The following NUGGC variants were observed in gnomAD, a reference collection of about 807,000 sequenced individuals.
NUGGC encodes nuclear GTPase, germinal center associated.
In NUGGC, 58 loss-of-function variants were observed where a neutral mutation model predicts 92.6. The observed-to-expected ratio is 0.63, with a 90% confidence interval of 0.51 to 0.78. The LOEUF (loss-of-function observed/expected upper bound fraction) is 0.78, where lower values mean the gene tolerates loss of function less well. Ranked by LOEUF, NUGGC falls within the 30% of genes least tolerant of loss-of-function variation. The probability of loss-of-function intolerance (pLI) is 0.00; values close to 1 mark genes in which losing one functional copy is unlikely to be tolerated. For synonymous variants in NUGGC, 376 were observed against 366.4 expected (o/e 1.03, Z -0.30); for missense variants, 925 against 964.6 (o/e 0.96, Z 0.54).
At chr8:28,052,914 T>C (rs1052417685) in intron 10 of NUGGC, among the ~76,000 whole-genome samples, 1 of 152,210 alleles carries the variant, frequency 6.6e-6, no homozygotes, top group African/African-American at 2.4e-5. Context: ...GTGGGGCATA[T>C]ACTTGATGTT....
rs140545370 is a variant in NUGGC at position 28,054,924 on chromosome 8, T to C, written c.1206+1041A>G. On this transcript the variant is annotated intron_variant, in intron 10 of 18. Transcript: ENST00000413272. ...AAAATTGGCCAGGTGCAGTGGCTCA[T>C]GCCTGTAATCCCAGCATTTTGGGAG... Among the ~76,000 whole-genome samples, 381 of 152,138 alleles carry C rather than the reference T, an allele frequency of 2.5e-3. 2 individuals carry two copies. The highest frequency in any genetic ancestry group is 4.6e-3 in the Non-Finnish European group (310 of 67,984).
Position 28,069,612 on chromosome 8 carries a change from G to T in NUGGC, c.189C>A (p.Asn63Lys). 1 of 1,612,156 alleles carries T rather than the reference G, an allele frequency of 6.2e-7. No individual in the cohort carries two copies. The highest frequency in any genetic ancestry group is 1.1e-5 in the South Asian group (1 of 91,040). Reference protein sequence around the residue: ...LESRTRRVLSNTYQKLIQSVF... With the variant: ...LESRTRRVLSKTYQKLIQSVF... ...CAGACTGAATAAGTTTCTGATAAGTGTTGCTCAAAACCCTTCTGGTCCGTG... is the reference window on the plus strand; with the variant it reads ...CAGACTGAATAAGTTTCTGATAAGTTTTGCTCAAAACCCTTCTGGTCCGTG... Residue 63 changes from asparagine to lysine, a missense_variant, in exon 4 of 19, where the codon AAC becomes AAA. Asn to Lys is a moderately conservative substitution (Grantham distance 94, BLOSUM62 0). Transcript: ENST00000413272.
chr8:28,024,894 G>A (rs1443527403), intron 18 of NUGGC, among the ~76,000 whole-genome samples: 3 of 152,222 alleles, frequency 2.0e-5, no homozygotes, highest in Non-Finnish European at 4.4e-5. Flanking sequence ...ACGATCTGAA[G>A]TCTGAGTGGG....
At chr8:28,028,628 GGGT>G (rs1809331239) in intron 17 of NUGGC, among the ~76,000 whole-genome samples, 1 of 152,118 alleles carries the variant, frequency 6.6e-6, no homozygotes, top group Admixed American at 6.5e-5. Context: ...GGGGGAAAGG[GGGT>G]GGCAAGCCAT....
intron 2 of NUGGC, among the ~76,000 whole-genome samples, chr8:28,071,996 C>G (rs1431459381): frequency 6.6e-6 from 1 of 152,160 alleles, no homozygotes; most frequent in African/African-American, 2.4e-5. Flanking sequence ...CCTGAGGGCT[C>G]CAGACACAGA....
At chr8:28,023,500 T>C (rs773488369) in intron 18 of NUGGC, 38 bp from the exon 19 acceptor site, 10 of 1,585,790 alleles carry the variant, frequency 6.3e-6, no homozygotes, top group Admixed American at 1.8e-5. Flanking sequence ...GGACTTGGTG[T>C]CCGTTGCAGA....
At chr8:28,078,837 ATGG>A (rs1335616276) in intron 1 of NUGGC, among the ~76,000 whole-genome samples, 1 of 152,156 alleles carries the variant, frequency 6.6e-6, no homozygotes, top group Non-Finnish European at 1.5e-5. Flanking sequence ...AAGGGAAGGA[ATGG>A]TGGTGTTCAT....
chr8:28,051,758 A>T (rs1204526401), intron 10 of NUGGC, among the ~76,000 whole-genome samples: 1 of 152,158 alleles, frequency 6.6e-6, no homozygotes, highest in Non-Finnish European at 1.5e-5. Flanking sequence ...CCCCGTCTCT[A>T]CTAAAAGTAC....
intron 1 of NUGGC, among the ~76,000 whole-genome samples, chr8:28,081,918 T>C (rs1810860799): frequency 6.6e-6 from 1 of 150,492 alleles, no homozygotes; most frequent in Non-Finnish European, 1.5e-5. Flanking sequence ...TTTTTCTTGC[T>C]CTCACAAGAA....
chr8:28,067,534 T>C lies in NUGGC; in HGVS notation c.691A>G (p.Ile231Val). ...PKRKIPTSRVITLKAEEAEEL... is the reference protein window; with the variant it reads ...PKRKIPTSRVVTLKAEEAEEL... Reference sequence around the variant, plus strand: ...GCTACCTCTTCCGCCTTGAGGGTGATGACTCTGGAGGTGGGGATCTTCCTT... The same window carrying C: ...GCTACCTCTTCCGCCTTGAGGGTGACGACTCTGGAGGTGGGGATCTTCCTT... Residue 231 changes from isoleucine (I) to valine (V), a missense_variant, in exon 6 of 19, where the codon ATC becomes GTC. Transcript: ENST00000413272. The C allele has an allele frequency of 6.2e-7, 1 of 1,609,868 alleles. No homozygotes were observed. The highest frequency in any genetic ancestry group is 1.3e-5 in the African/African-American group (1 of 75,006).
chr8:28,045,922 G>C (rs775775625), intron 11 of NUGGC, among the ~76,000 whole-genome samples: 17 of 152,146 alleles, frequency 1.1e-4, no homozygotes, highest in Non-Finnish European at 1.3e-4. Flanking sequence ...AAAAGTACAG[G>C]CTAGTTGAAA....
At chr8:28,055,918 T>C in intron 10 of NUGGC, 47 bp downstream of exon 10, 2 of 1,068,558 alleles carry the variant, frequency 1.9e-6, no homozygotes, top group Non-Finnish European at 1.4e-6. Flanking sequence ...TCCCAAAATC[T>C]AGTTGCTGGG....
intron 14 of NUGGC, 86 bp from the exon 15 acceptor site, chr8:28,031,467 A>C: frequency 2.3e-6 from 3 of 1,295,768 alleles, no homozygotes; most frequent in Non-Finnish European, 3.3e-6. Context: ...GTGTCCTTTT[A>C]TTCATTTAAG....
intron 13 of NUGGC, among the ~76,000 whole-genome samples, chr8:28,037,381 T>C (rs1809581648): frequency 2.0e-5 from 3 of 152,146 alleles, no homozygotes; most frequent in Non-Finnish European, 2.9e-5. Context: ...CCACATGAGC[T>C]CTGGCCTTCC....
At chr8:28,032,536 T>C (rs1424697567) in intron 14 of NUGGC, among the ~76,000 whole-genome samples, 2 of 151,200 alleles carry the variant, frequency 1.3e-5, no homozygotes, top group African/African-American at 4.9e-5. Flanking sequence ...GCTAACATGG[T>C]GAAACCCCAT....
chr8:28,038,496 G>A (rs1423395482), intron 13 of NUGGC, among the ~76,000 whole-genome samples: 1 of 152,134 alleles, frequency 6.6e-6, no homozygotes, highest in Non-Finnish European at 1.5e-5. Context: ...TTATACAGAG[G>A]AACCTGAGGC....
At chr8:28,065,037 T>C (rs1339355955) in intron 6 of NUGGC, among the ~76,000 whole-genome samples, 1 of 151,994 alleles carries the variant, frequency 6.6e-6, no homozygotes, top group Non-Finnish European at 1.5e-5. Flanking sequence ...AGTTCTAAAA[T>C]TAACATACTA....
At position 28,053,702 on chromosome 8, in the gene NUGGC, G is replaced by A. The variant is rs149833682; in HGVS notation, c.1206+2263C>T. 3.0e-3 allele frequency among the ~76,000 whole-genome samples: 457 copies of A among 152,202 alleles called. 2 individuals are homozygous for A. Among genetic ancestry groups the A allele is most frequent in the African/African-American group, 0.011 (440 of 41,526 alleles). ...GGCCCTAACTCATACAAACCAATTC[G>A]GCATGTTTACTGGCATAGTTGTAAA... On this transcript the variant is annotated intron_variant, in intron 10 of 18. Transcript: ENST00000413272.
At chr8:28,029,007 A>G (rs922226302) in intron 17 of NUGGC, among the ~76,000 whole-genome samples, 1 of 152,132 alleles carries the variant, frequency 6.6e-6, no homozygotes, top group Non-Finnish European at 1.5e-5. Context: ...TACCTCACAG[A>G]CTTGCTGGGG....
Sources: allele counts gnomAD v4.1 joint callset (sites outside exome capture counted in the v4.1 genomes callset), GRCh38; gene constraint gnomAD v4.1.1; transcripts MANE v1.5; gene names NCBI Gene and HGNC (gene_info 2026-07-23, HGNC 2026-07-21).